ZNHIT6: variants seen among roughly 807,000 people sequenced by gnomAD.
ZNHIT6 encodes the protein zinc finger HIT-type containing 6.
Under a neutral mutation model 57.2 loss-of-function variants are expected in ZNHIT6, and 45 were observed. The observed-to-expected ratio is 0.79, with a 90% CI of 0.62 to 1.01. ZNHIT6 has a LOEUF of 1.01. ZNHIT6 is among the 50% of genes least tolerant of loss of function. The pLI is 0.00. For synonymous variants in ZNHIT6, 188 were observed against 190.0 expected, an observed-to-expected ratio of 0.99 and a Z score of 0.09; for missense variants, 528 against 567.3, an observed-to-expected ratio of 0.93 and a Z score of 0.70.
intron 5 of ZNHIT6, among the ~76,000 whole-genome samples, chr1:85,701,363 G>A (rs535154285): frequency 2.0e-5 from 3 of 152,200 alleles, no homozygotes; most frequent in Admixed American, 1.3e-4. Flanking sequence ...GAAAAGGGAG[G>A]GACTCCCTCA....
At chr1:85,696,214 G>A (rs956984026) in intron 5 of ZNHIT6, among the ~76,000 whole-genome samples, 2 of 147,566 alleles carry the variant, frequency 1.4e-5, no homozygotes, top group Admixed American at 6.8e-5. Flanking sequence ...TCACTCTGTC[G>A]CCCAGGCTGG....
chr1:85,675,679 C>T (rs1019718130), intron 8 of ZNHIT6, among the ~76,000 whole-genome samples: 1 of 152,206 alleles, frequency 6.6e-6, no homozygotes, highest in Non-Finnish European at 1.5e-5. Flanking sequence ...TAGCTAAGTC[C>T]TACATGCCAT....
intron 8 of ZNHIT6, among the ~76,000 whole-genome samples, chr1:85,670,291 A>G (rs1661522732): frequency 6.6e-6 from 1 of 152,186 alleles, no homozygotes; most frequent in African/African-American, 2.4e-5. Flanking sequence ...ACGTGCTACA[A>G]TGGTAGAATT....
chr1:85,694,384 A>G (rs576432698), intron 5 of ZNHIT6, among the ~76,000 whole-genome samples: 9 of 152,378 alleles, frequency 5.9e-5, no homozygotes, highest in African/African-American at 2.2e-4. Flanking sequence ...ATTATTGTAA[A>G]ATATTGATGA....
At chr1:85,662,639 T>A (rs574110433) in intron 8 of ZNHIT6, among the ~76,000 whole-genome samples, 3 of 152,346 alleles carry the variant, frequency 2.0e-5, no homozygotes, top group Non-Finnish European at 4.4e-5. Flanking sequence ...CCATAGTTAA[T>A]CTTTTTCTCA....
At chr1:85,682,803 G>A (rs958283876) in intron 5 of ZNHIT6, among the ~76,000 whole-genome samples, 1 of 152,166 alleles carries the variant, frequency 6.6e-6, no homozygotes, top group African/African-American at 2.4e-5. Flanking sequence ...ACAAATTGCC[G>A]TATTTTTGAG....
At position 85,649,776 on chromosome 1, in the gene ZNHIT6, C is replaced by A. The variant is rs1317962104; in HGVS notation, c.*4282G>T. On this transcript the variant is annotated 3_prime_UTR_variant, in exon 10 of 10. Coordinates refer to ENST00000370574, the MANE Select transcript of ZNHIT6 (RefSeq NM_017953.4). ...ATGCTGATGCCACTGGGAAAAATTTCCAAATTGGTAATGGAAACATATGCT... is the reference window on the plus strand; with the variant it reads ...ATGCTGATGCCACTGGGAAAAATTTACAAATTGGTAATGGAAACATATGCT... 6.6e-6 allele frequency: 1 copy of A among 151,924 alleles called. No individual in the cohort carries two copies. The highest frequency in any genetic ancestry group is 2.4e-5 in the African/African-American group (1 of 41,360). 9.4% of individuals were successfully genotyped at this position (151,924 alleles called of 1,614,324 possible).
Position 85,706,139 on chromosome 1 carries a change from G to A in ZNHIT6, c.854C>T (p.Ala285Val). ...LSDYRFLEDV[A>V]RTADHISRDA... ...TCTAGAAATATGGTCCGCTGTTCTT[G>A]CCACATCTTCCAAAAATCGATAATC... The change falls in exon 4 of 10, where the codon GCA becomes GTA. Residue 285 changes from alanine to valine, a missense_variant. Coordinates refer to ENST00000370574, the MANE Select transcript of ZNHIT6 (RefSeq NM_017953.4). 6.2e-7 allele frequency: 1 copy of A among 1,613,768 alleles called. No individual in the cohort carries two copies. The highest frequency in any genetic ancestry group is 8.5e-7 in the Non-Finnish European group (1 of 1,179,872).
At chr1:85,680,813 T>C in intron 6 of ZNHIT6, 23 bp downstream of exon 6, 1 of 1,579,956 alleles carries the variant, frequency 6.3e-7, no homozygotes, top group Non-Finnish European at 8.7e-7. Context: ...AACAAATCAG[T>C]GATTGAAAGA....
At chr1:85,666,536 C>T (rs1557840527) in intron 8 of ZNHIT6, among the ~76,000 whole-genome samples, 1 of 152,128 alleles carries the variant, frequency 6.6e-6, no homozygotes, top group Non-Finnish European at 1.5e-5. Context: ...ACTTCAAATA[C>T]AGGCTCTCAA....
At chr1:85,681,462 T>C (rs931903194) in intron 5 of ZNHIT6, among the ~76,000 whole-genome samples, 2 of 152,238 alleles carry the variant, frequency 1.3e-5, no homozygotes, top group Non-Finnish European at 2.9e-5. Context: ...AAAATGACTA[T>C]ATTTAATATA....
intron 4 of ZNHIT6, 32 bp from the exon 5 acceptor site, chr1:85,702,292 T>G: frequency 7.6e-7 from 1 of 1,314,828 alleles, no homozygotes. Flanking sequence ...ACAAATTAAT[T>G]TTTAAATTCC....
intron 7 of ZNHIT6, among the ~76,000 whole-genome samples, chr1:85,677,877 T>C (rs1425015577): frequency 1.3e-5 from 2 of 152,134 alleles, no homozygotes; most frequent in Admixed American, 1.3e-4. Flanking sequence ...GTCAACCGGG[T>C]TTCTGCCCAG....
intron 9 of ZNHIT6, among the ~76,000 whole-genome samples, chr1:85,655,901 A>G (rs1661046430): frequency 6.6e-6 from 1 of 152,198 alleles, no homozygotes; most frequent in African/African-American, 2.4e-5. Context: ...CAATCATAAC[A>G]AATATTAGAA....
At chr1:85,679,469 T>C (rs1177821644) in intron 6 of ZNHIT6, among the ~76,000 whole-genome samples, 2 of 152,084 alleles carry the variant, frequency 1.3e-5, no homozygotes, top group East Asian at 3.8e-4. Context: ...AGGATATTTA[T>C]GTATAATATA....
At chr1:85,667,842 G>A (rs1661414463) in intron 8 of ZNHIT6, among the ~76,000 whole-genome samples, 1 of 149,058 alleles carries the variant, frequency 6.7e-6, no homozygotes, top group East Asian at 2.0e-4. Context: ...GCTGAGGCAC[G>A]AGAATTGCTT....
intron 5 of ZNHIT6, among the ~76,000 whole-genome samples, chr1:85,693,071 A>C (rs9324153): frequency 0.78 from 118,246 of 152,052 alleles, 46,779 homozygotes; most frequent in East Asian, 0.93. Context: ...TGAAAAGTTA[A>C]GGACTTTCAG....
chr1:85,665,056 C>CT (rs1661332372), intron 8 of ZNHIT6, among the ~76,000 whole-genome samples: 1 of 152,064 alleles, frequency 6.6e-6, no homozygotes, highest in Admixed American at 6.6e-5. Flanking sequence ...GTCTCAAACT[C>CT]CTGACCTCAG....
At position 85,707,785 on chromosome 1, in the gene ZNHIT6, A is replaced by G. The variant is rs1212888940; in HGVS notation, c.500T>C (p.Phe167Ser). 7 of 1,613,732 alleles carry G rather than the reference A, an allele frequency of 4.3e-6. No individual in the cohort carries two copies. The highest frequency in any genetic ancestry group is 5.9e-6 in the Non-Finnish European group (7 of 1,179,894). ...DNLEIKQEEK[F>S]VGQCIKEELM... The stretch of plus-strand genomic sequence containing the variant: ...TTCCTCTTTTATGCATTGACCAACA[A>G]ACTTCTCCTCCTGTTTTATCTCCAA... Residue 167 changes from phenylalanine (F) to serine (S), a missense_variant, in exon 1 of 10, where the codon TTT becomes TCT. Coordinates refer to ENST00000370574, the MANE Select transcript of ZNHIT6 (RefSeq NM_017953.4).
Sources: gnomAD v4.1 joint callset for allele counts (sites outside exome capture counted in the v4.1 genomes callset) on GRCh38, gnomAD v4.1.1 for gene constraint, MANE v1.5 for transcripts, NCBI Gene and HGNC (gene_info 2026-07-23, HGNC 2026-07-21) for gene names.